PBX4: variants seen among roughly 807,000 people sequenced by gnomAD.
PBX4 encodes pre-B-cell leukemia transcription factor 4.
In PBX4, 26 loss-of-function variants were observed where a neutral mutation model predicts 35.1. The ratio of observed to expected loss-of-function variants is 0.74; its 90% confidence interval spans 0.54 to 1.03. The LOEUF (loss-of-function observed/expected upper bound fraction) is 1.03, where lower values mean the gene tolerates loss of function less well. PBX4 is among the 50% of genes least tolerant of loss of function. The pLI, the probability that PBX4 is intolerant of heterozygous loss-of-function variation, is 0.00. For missense variants in PBX4, 448 were observed against 504.3 expected (o/e 0.89, Z 1.07); for synonymous variants, 199 against 204.2 (o/e 0.97, Z 0.22).
chr19:19,571,729 C>T (rs1357147393), intron 2 of PBX4, among the ~76,000 whole-genome samples: 1 of 152,130 alleles, frequency 6.6e-6, no homozygotes, highest in East Asian at 1.9e-4. Context: ...GCAGGTGGGG[C>T]TGAGTGAAAA....
At chr19:19,572,070 CTT>C (rs1249792389) in intron 2 of PBX4, among the ~76,000 whole-genome samples, 9 of 69,108 alleles carry the variant, frequency 1.3e-4, no homozygotes, top group East Asian at 4.8e-4. Context: ...TAGAATCAGG[CTT>C]TTTTTTTTTT....
At position 19,570,162 on chromosome 19, in the gene PBX4, C is replaced by T. The variant is rs1387131041; in HGVS notation, c.579G>A (p.Lys193=). The change falls in exon 4 of 8, where the codon AAG becomes AAA. Residue 193 remains lysine, a synonymous_variant. Transcript: ENST00000251203. ...GKFSAIQMQL[K]QSTCEAVMTL... ...TCATCACTGCCTCACAGGTGCTCTG[C>T]TTCAACTGCATCTGGATGGCGCTGA... 1 of 1,613,742 alleles carries T rather than the reference C, an allele frequency of 6.2e-7. No individual in the cohort carries two copies. The highest frequency in any genetic ancestry group is 8.5e-7 in the Non-Finnish European group (1 of 1,179,860).
At chr19:19,602,095 C>T (rs184218103) in intron 1 of PBX4, among the ~76,000 whole-genome samples, 111 of 151,948 alleles carry the variant, frequency 7.3e-4, no homozygotes, top group Non-Finnish European at 1.1e-3. Flanking sequence ...GAAGAGTAAT[C>T]TGTGAGAAAT....
At chr19:19,616,002 C>G (rs977642965) in intron 1 of PBX4, among the ~76,000 whole-genome samples, 1 of 152,204 alleles carries the variant, frequency 6.6e-6, no homozygotes, top group Non-Finnish European at 1.5e-5. Flanking sequence ...CTCCCCACTA[C>G]AGGGCTCTAG....
intron 2 of PBX4, among the ~76,000 whole-genome samples, chr19:19,584,090 T>C (rs1334224106): frequency 1.3e-5 from 2 of 151,536 alleles, no homozygotes; most frequent in South Asian, 2.1e-4. Flanking sequence ...AAAGAAAAAT[T>C]AGCTGGGTGT....
chr19:19,599,489 G>A (rs915257818), intron 1 of PBX4, 124 bp from the exon 2 acceptor site: 4 of 773,816 alleles, frequency 5.2e-6, no homozygotes, highest in South Asian at 1.5e-5. Context: ...CTGTAGATAA[G>A]TCGCCTTATG....
chr19:19,564,764 G>C (rs2061330541), intron 6 of PBX4, 169 bp downstream of exon 6: 15 of 818,070 alleles, frequency 1.8e-5, no homozygotes. Flanking sequence ...CTGTTGGTTG[G>C]GATCATGGCC....
chr19:19,565,890 G>A (rs1488994144), intron 5 of PBX4, among the ~76,000 whole-genome samples: 1 of 151,944 alleles, frequency 6.6e-6, no homozygotes, highest in Admixed American at 6.6e-5. Flanking sequence ...AATTTAGCCT[G>A]GGCAACAGAG....
At chr19:19,592,280 G>A (rs1416137818) in intron 2 of PBX4, among the ~76,000 whole-genome samples, 4 of 152,224 alleles carry the variant, frequency 2.6e-5, no homozygotes, top group African/African-American at 7.2e-5. Flanking sequence ...GGTTCTCCCA[G>A]CTAAATTCAA....
chr19:19,589,233 CCTGG>C (rs1406659160), intron 2 of PBX4, among the ~76,000 whole-genome samples: 1 of 152,074 alleles, frequency 6.6e-6, no homozygotes, highest in African/African-American at 2.4e-5. Flanking sequence ...TCGAGACCAT[CCTGG>C]CTAACACGAT....
chr19:19,602,497 G>A (rs867084673), intron 1 of PBX4, among the ~76,000 whole-genome samples: 82 of 152,090 alleles, frequency 5.4e-4, no homozygotes, highest in African/African-American at 1.7e-3. Flanking sequence ...CTGTTGCCCA[G>A]GCTGGACTGC....
chr19:19,597,518 AC>A (rs1462249370), intron 2 of PBX4, among the ~76,000 whole-genome samples: 4 of 152,170 alleles, frequency 2.6e-5, no homozygotes, highest in Non-Finnish European at 5.9e-5. Context: ...CAGAATTCAG[AC>A]CCTCTTGCTG....
At chr19:19,593,105 T>C (rs1267628912) in intron 2 of PBX4, among the ~76,000 whole-genome samples, 1 of 152,150 alleles carries the variant, frequency 6.6e-6, no homozygotes, top group Non-Finnish European at 1.5e-5. Flanking sequence ...TTGCCGTTGT[T>C]GTTGTTGTAG....
At chr19:19,589,183 C>T (rs1164312803) in intron 2 of PBX4, among the ~76,000 whole-genome samples, 2 of 152,070 alleles carry the variant, frequency 1.3e-5, no homozygotes, top group Non-Finnish European at 1.5e-5. Flanking sequence ...AGTCCCAGCA[C>T]GTTGAGAGGT....
At chr19:19,590,184 C>T (rs1004834004) in intron 2 of PBX4, among the ~76,000 whole-genome samples, 3 of 152,186 alleles carry the variant, frequency 2.0e-5, no homozygotes, top group African/African-American at 7.2e-5. Flanking sequence ...ACATTCTCAT[C>T]CTCCCTAAAG....
chr19:19,591,989 T>C (rs931719307), intron 2 of PBX4, among the ~76,000 whole-genome samples: 1 of 152,114 alleles, frequency 6.6e-6, no homozygotes, highest in Non-Finnish European at 1.5e-5. Flanking sequence ...GCCTCCCGTG[T>C]AGCTAGGATT....
Position 19,563,601 on chromosome 19 carries a change from A to C in PBX4, c.940T>G (p.Phe314Val). The C allele has an allele frequency of 6.5e-7, 1 of 1,549,458 alleles. No individual in the cohort carries two copies. The highest frequency in any genetic ancestry group is 2.0e-5 in the Admixed American group (1 of 50,972). The change falls in exon 7 of 8, where the codon TTC becomes GTC. Residue 314 changes from phenylalanine (F) to valine (V), a missense_variant. Transcript: ENST00000251203. This position sits in a 1 kb window ranked among gnomAD's most constrained non-coding sequence, Gnocchi z 5.1. ...STPSSGSSGPFPLPSAGDAFL... is the reference protein window; with the variant it reads ...STPSSGSSGPVPLPSAGDAFL... ...GCGTCCCCAGCGCTGGGCAGCGGGAAGGGTCCAGAGGAGCCTGGAAGAGAT... is the reference window on the plus strand; with the variant it reads ...GCGTCCCCAGCGCTGGGCAGCGGGACGGGTCCAGAGGAGCCTGGAAGAGAT...
rs1020429047 is a variant in PBX4, at chr19:19,618,667, C to G, written c.-38G>C. The G allele has an allele frequency of 9.2e-6, 11 of 1,192,848 alleles. No individual in the cohort carries two copies. The highest frequency in any genetic ancestry group is 3.2e-5 in the African/African-American group (2 of 62,666). 73.9% of individuals were successfully genotyped at this position (1,192,848 alleles called of 1,614,324 possible). On this transcript the variant is annotated 5_prime_UTR_variant, in exon 1 of 8. Coordinates refer to ENST00000251203, the MANE Select transcript of PBX4 (RefSeq NM_025245.3). Reference sequence around the variant, plus strand: ...CGGGCGGGCGCTGTGAGGGTGCCGTCGAGCCTGGAGCACTACCACTGGCGC... The same window carrying G: ...CGGGCGGGCGCTGTGAGGGTGCCGTGGAGCCTGGAGCACTACCACTGGCGC...
At chr19:19,603,117 C>T (rs1377255015) in intron 1 of PBX4, among the ~76,000 whole-genome samples, 1 of 152,156 alleles carries the variant, frequency 6.6e-6, no homozygotes, top group Non-Finnish European at 1.5e-5. Flanking sequence ...TCTCCACTGT[C>T]GCCCACTGAC....
Sources: allele counts gnomAD v4.1 joint callset (sites outside exome capture counted in the v4.1 genomes callset), GRCh38; gene constraint gnomAD v4.1.1; non-coding constraint Gnocchi (gnomAD v3.1); transcripts MANE v1.5; gene names NCBI Gene and HGNC (gene_info 2026-07-23, HGNC 2026-07-21).